MME: variants seen among roughly 807,000 people sequenced by gnomAD.
The protein encoded by MME is neprilysin.
MME carries 98 observed loss-of-function variants against 113.2 expected under a neutral mutation model. The observed-to-expected ratio is 0.87, with a 90% CI of 0.74 to 1.02. MME has a LOEUF of 1.02. Ranked by LOEUF, MME falls within the 50% of genes least tolerant of loss-of-function variation. MME has a pLI of 0.00. For synonymous variants in MME, 292 were observed against 300.6 expected (o/e 0.97, Z 0.30); for missense variants, 836 against 896.0 (o/e 0.93, Z 0.86).
In MME at chr3:155,172,232, T is replaced by A. The variant is rs1260095749; in HGVS notation, c.2076+20T>A. 2 of 1,491,118 alleles carry A rather than the reference T, an allele frequency of 1.3e-6. No homozygotes were observed. Among genetic ancestry groups the A allele is most frequent in the South Asian group, 1.1e-5 (1 of 88,452 alleles). The allele number at this position is 1,491,118 out of a possible 1,614,324, so 92.4% of individuals were successfully genotyped here. A position where few individuals can be genotyped will look rare whatever the true frequency, so the allele number is the denominator to read the frequency against. ...GCACAGGTATTGTGTCTTTCTTGAT[T>A]GATAGATATGAAAACCATTTTGAGT... is the stretch of plus-strand genomic sequence containing the variant. On this transcript the variant is annotated intron_variant, in intron 21 of 22. Coordinates refer to ENST00000360490, the MANE Select transcript of MME (RefSeq NM_007289.4).
intron 3 of MME, among the ~76,000 whole-genome samples, chr3:155,094,267 T>G (rs1716536600): frequency 6.6e-6 from 1 of 152,208 alleles, no homozygotes; most frequent in Non-Finnish European, 1.5e-5. Context: ...CCTGTGTGAT[T>G]GGTATGAGAT....
intron 13 of MME, among the ~76,000 whole-genome samples, chr3:155,144,024 C>T (rs1330877904): frequency 1.3e-5 from 2 of 152,054 alleles, no homozygotes; most frequent in Non-Finnish European, 2.9e-5. Context: ...TATTGAAATG[C>T]TACTTTATGC....
intron 14 of MME, 36 bp from the exon 15 acceptor site, chr3:155,147,108 T>C (rs201751761): frequency 6.0e-5 from 79 of 1,315,236 alleles, no homozygotes; most frequent in Non-Finnish European, 8.2e-5. Context: ...GAAAGTTATA[T>C]AATCATCTTC....
At chr3:155,054,111 G>C (rs1445073032) in intron 1 of MME, among the ~76,000 whole-genome samples, 1 of 152,078 alleles carries the variant, frequency 6.6e-6, no homozygotes, top group Admixed American at 6.5e-5. Flanking sequence ...CCCAGTTTGT[G>C]GTAATTTATT....
At chr3:155,072,113 A>G (rs1714586042) in intron 1 of MME, among the ~76,000 whole-genome samples, 1 of 130,438 alleles carries the variant, frequency 7.7e-6, no homozygotes. Context: ...GTGAGCCGAG[A>G]TTGCGCCACT....
intron 3 of MME, among the ~76,000 whole-genome samples, chr3:155,097,457 G>A (rs2108206959): frequency 6.6e-6 from 1 of 152,272 alleles, no homozygotes; most frequent in Non-Finnish European, 1.5e-5. Context: ...AGTGATCATT[G>A]GAATTAAGCA....
chr3:155,088,782 T>C (rs1244818394), intron 3 of MME, among the ~76,000 whole-genome samples: 1 of 150,244 alleles, frequency 6.7e-6, no homozygotes, highest in Non-Finnish European at 1.5e-5. Flanking sequence ...TTTAAGAGAG[T>C]GGGTGGGTTC....
At chr3:155,179,074 G>A (rs1363849513) in intron 22 of MME, among the ~76,000 whole-genome samples, 1 of 152,142 alleles carries the variant, frequency 6.6e-6, no homozygotes, top group Non-Finnish European at 1.5e-5. Flanking sequence ...TTCAAAGAAG[G>A]GGGCCAAGGA....
intron 1 of MME, among the ~76,000 whole-genome samples, chr3:155,060,091 G>A (rs1714083513): frequency 6.6e-6 from 1 of 152,138 alleles, no homozygotes. Context: ...GGCCTACTAA[G>A]TCATAGATTA....
At chr3:155,124,133 T>C (rs1200974409) in intron 8 of MME, among the ~76,000 whole-genome samples, 3 of 149,452 alleles carry the variant, frequency 2.0e-5, no homozygotes, top group East Asian at 2.0e-4. Flanking sequence ...TATTCGTTTT[T>C]CTCTAAACTT....
intron 1 of MME, among the ~76,000 whole-genome samples, chr3:155,058,202 G>A (rs1465267175): frequency 1.3e-5 from 2 of 152,100 alleles, no homozygotes; most frequent in East Asian, 1.9e-4. Context: ...GAAGACTCAC[G>A]CAATATTTGA....
Position 155,132,369 on chromosome 3 carries a change from C to G in MME, c.721-5733C>G, listed in dbSNP as rs934447860. Among the ~76,000 whole-genome samples the G allele has an allele frequency of 2.0e-5, 3 of 152,224 alleles. No homozygotes were observed. The East Asian group carries it at 5.8e-4, about 29-fold the overall frequency. ...CCTGATTCTGCAAAATGAAGATAGT[C>G]CTAACTAGAGTAACTATCCATGGTG... is the stretch of plus-strand genomic sequence containing the variant. On this transcript the variant is annotated intron_variant, in intron 8 of 22. Coordinates refer to ENST00000360490, the MANE Select transcript of MME (RefSeq NM_007289.4).
chr3:155,176,091 A>G (rs1042684404), intron 22 of MME, among the ~76,000 whole-genome samples: 1 of 152,188 alleles, frequency 6.6e-6, no homozygotes, highest in Non-Finnish European at 1.5e-5. Context: ...CTTATTCCTG[A>G]ATGAAGGCAG....
intron 3 of MME, among the ~76,000 whole-genome samples, chr3:155,112,104 CT>C (rs2108243876): frequency 6.6e-6 from 1 of 152,154 alleles, no homozygotes; most frequent in East Asian, 1.9e-4. Context: ...GGAGTTTTTA[CT>C]GGCAAGTCTT....
At chr3:155,065,679 A>T (rs1034456611) in intron 1 of MME, among the ~76,000 whole-genome samples, 2 of 152,234 alleles carry the variant, frequency 1.3e-5, no homozygotes, top group Non-Finnish European at 2.9e-5. Context: ...GGATTGCCTA[A>T]CTTAAAACAT....
intron 1 of MME, among the ~76,000 whole-genome samples, chr3:155,047,706 G>A (rs950949362): frequency 3.3e-5 from 5 of 152,050 alleles, no homozygotes; most frequent in Admixed American, 6.5e-5. Flanking sequence ...TTCTCCTGAC[G>A]ATTAGACACA....
At chr3:155,084,376 A>C in intron 2 of MME, 49 bp downstream of exon 2, 1 of 1,585,666 alleles carries the variant, frequency 6.3e-7, no homozygotes, top group South Asian at 1.1e-5. Context: ...AGAGAAGGAA[A>C]TCTTCCTCCA....
chr3:155,050,862 G>C (rs377586938), intron 1 of MME, among the ~76,000 whole-genome samples: 19 of 152,226 alleles, frequency 1.2e-4, no homozygotes, highest in Middle Eastern at 3.4e-3. Flanking sequence ...ACATTTGCTT[G>C]TGTTGCAACT....
Position 155,182,225 on chromosome 3 carries a change from C to G in MME, c.*1766C>G, listed in dbSNP as rs201729240. On this transcript the variant is annotated 3_prime_UTR_variant, in exon 23 of 23. Transcript: ENST00000360490. ...TCTCAGCCTTACATTTGTGAGATTC[C>G]TCTGTATTGTGCTGATTGTGGATCT... is the stretch of plus-strand genomic sequence containing the variant. 1 of 152,148 alleles carries G rather than the reference C, an allele frequency of 6.6e-6. No homozygotes were observed. The highest frequency in any genetic ancestry group is 1.5e-5 in the Non-Finnish European group (1 of 68,034). The allele number at this position is 152,148 out of a possible 1,614,324, so 9.4% of individuals were successfully genotyped here.
Sources: gnomAD v4.1 joint callset for allele counts (sites outside exome capture counted in the v4.1 genomes callset) on GRCh38, gnomAD v4.1.1 for gene constraint, MANE v1.5 for transcripts, NCBI Gene and HGNC (gene_info 2026-07-23, HGNC 2026-07-21) for gene names.